The following IL16 variants were observed in gnomAD, a reference collection of about 807,000 sequenced individuals.
IL16 encodes interleukin 16.
In IL16, 67 loss-of-function variants were observed where a neutral mutation model predicts 110.1. The ratio of observed to expected loss-of-function variants is 0.61; its 90% CI spans 0.50 to 0.75. The LOEUF is 0.75. Among genes scored for constraint, IL16 ranks in the 30% least tolerant of loss-of-function variants. The pLI is 0.00. For synonymous variants in IL16, 689 were observed against 662.9 expected, an observed-to-expected ratio of 1.04 and a Z score of -0.61; for missense variants, 1,545 against 1,655.0, an observed-to-expected ratio of 0.93 and a Z score of 1.15.
Position 81,297,007 on chromosome 15 carries a change from C to G in IL16, c.1982C>G (p.Pro661Arg). 2 of 1,613,924 alleles carry G rather than the reference C, an allele frequency of 1.2e-6. No individual in the cohort carries two copies. The highest frequency in any genetic ancestry group is 8.5e-7 in the Non-Finnish European group (1 of 1,179,960). ...AGCCCTAGTGCCTCTGCCGGCTGCCCAGGACCTGGTATCGGCCCACAGACC... is the reference window on the plus strand; with the variant it reads ...AGCCCTAGTGCCTCTGCCGGCTGCCGAGGACCTGGTATCGGCCCACAGACC... ...GRSPSASAGC[P>R]GPGIGPQTKS... The change falls in exon 13 of 19, where the codon CCA becomes CGA. Residue 661 changes from proline (P) to arginine (R), a missense_variant. Coordinates refer to ENST00000683961, the MANE Select transcript of IL16 (RefSeq NM_172217.5).
chr15:81,205,620 A>G (rs1390350214), intron 1 of IL16, among the ~76,000 whole-genome samples: 1 of 152,136 alleles, frequency 6.6e-6, no homozygotes, highest in East Asian at 1.9e-4. Flanking sequence ...GAAAAACAAA[A>G]CATGTGAGAA....
rs1303699582 is a variant in IL16 at position 81,290,547 on chromosome 15, C to A, written c.1420+7C>A. 1.9e-6 allele frequency: 3 copies of A among 1,584,160 alleles called. No individual in the cohort carries two copies. Among genetic ancestry groups the A allele is most frequent in the Non-Finnish European group, 2.6e-6 (3 of 1,154,764 alleles). On this transcript the variant is annotated splice_region_variant and intron_variant, in intron 11 of 18. Coordinates refer to ENST00000683961, the MANE Select transcript of IL16 (RefSeq NM_172217.5). ...CATCAGTGGAGTCTGGAAGGTAAGACAAATGGTGAACTTTGATGTAAAATA... is the reference window on the plus strand; with the variant it reads ...CATCAGTGGAGTCTGGAAGGTAAGAAAAATGGTGAACTTTGATGTAAAATA...
chr15:81,292,454 C>A, intron 11 of IL16, 102 bp from the exon 12 acceptor site: 1 of 1,530,034 alleles, frequency 6.5e-7, no homozygotes, highest in Non-Finnish European at 9.0e-7. Flanking sequence ...AAGCAGATGG[C>A]CGATGTGCAG....
intron 2 of IL16, among the ~76,000 whole-genome samples, chr15:81,255,315 C>T (rs1303365599): frequency 6.6e-6 from 1 of 152,212 alleles, no homozygotes; most frequent in Admixed American, 6.5e-5. Context: ...ATCTAATGAG[C>T]CACTTCACAC....
At chr15:81,289,178 ACT>A (rs1378710448) in intron 10 of IL16, among the ~76,000 whole-genome samples, 4 of 151,868 alleles carry the variant, frequency 2.6e-5, no homozygotes, top group Non-Finnish European at 4.4e-5. Context: ...ACTGAGTCTC[ACT>A]CTGTCACCCA....
At chr15:81,282,256 C>T (rs1019479978) in intron 8 of IL16, among the ~76,000 whole-genome samples, 2 of 152,206 alleles carry the variant, frequency 1.3e-5, no homozygotes, top group African/African-American at 4.8e-5. Flanking sequence ...TAACTCTTGT[C>T]ACTTGTATTT....
chr15:81,242,963 A>G (rs960561037), intron 2 of IL16, among the ~76,000 whole-genome samples: 3 of 151,152 alleles, frequency 2.0e-5, no homozygotes, highest in African/African-American at 7.3e-5. Flanking sequence ...GCATTCATTG[A>G]TATGATCATG....
chr15:81,232,042 G>GTTTTTTTTTTTTT, intron 2 of IL16, among the ~76,000 whole-genome samples: 998 of 57,340 alleles, frequency 0.017, 82 homozygotes, highest in African/African-American at 0.021. Context: ...ATTTGTTCTT[G>GTTTTTTTTTTTTT]TTTTTTTTTT....
At chr15:81,245,419 T>A (rs905938430) in intron 2 of IL16, among the ~76,000 whole-genome samples, 1 of 152,208 alleles carries the variant, frequency 6.6e-6, no homozygotes, top group Non-Finnish European at 1.5e-5. Context: ...TAATGTTGTA[T>A]AGAGATGTGA....
At position 81,313,127 on chromosome 15, in the gene IL16, TGC is replaced by T. The variant is rs1900950804; in HGVS notation, c.*4332_*4333del. 1 of 1,142,358 alleles carries T rather than the reference TGC, an allele frequency of 8.8e-7. No homozygotes were observed. Among genetic ancestry groups the T allele is most frequent in the African/African-American group, 1.6e-5 (1 of 61,694 alleles). The allele number at this position is 1,142,358 out of a possible 1,614,324, so 70.8% of individuals were successfully genotyped here. On this transcript the variant is annotated 3_prime_UTR_variant, in exon 19 of 19. Transcript: ENST00000683961. ...CGCCTCTGGTTGGCATTCTCAGAGA[TGC>T]GCAGTCCATCAGCTTGTTCCAAAGA...
At position 81,313,372 on chromosome 15, in the gene IL16, A is replaced by G. The variant is rs1034525007; in HGVS notation, c.*4574A>G. 6.3e-7 allele frequency: 1 copy of G among 1,576,056 alleles called. No individual in the cohort carries two copies. Among genetic ancestry groups the G allele is most frequent in the African/African-American group, 1.4e-5 (1 of 73,462 alleles). On this transcript the variant is annotated 3_prime_UTR_variant, in exon 19 of 19. Coordinates refer to ENST00000683961, the MANE Select transcript of IL16 (RefSeq NM_172217.5). Reference sequence around the variant, plus strand: ...AGGTAACCGCTGAGGTCGGTATGGAAGAATGTGACCAGGTTGGTCTTGGTG... The same window carrying G: ...AGGTAACCGCTGAGGTCGGTATGGAGGAATGTGACCAGGTTGGTCTTGGTG...
intron 16 of IL16, chr15:81,305,633 TC>T (rs1900511298): frequency 7.3e-6 from 3 of 412,222 alleles, no homozygotes; most frequent in African/African-American, 6.0e-5. Flanking sequence ...TTATATGGAA[TC>T]CCAACTAGAA....
intron 1 of IL16, among the ~76,000 whole-genome samples, chr15:81,224,037 A>T (rs1200864665): frequency 1.3e-5 from 2 of 152,258 alleles, no homozygotes; most frequent in Non-Finnish European, 2.9e-5. Context: ...CTTTCAATCA[A>T]TCATTAATTC....
intron 2 of IL16, among the ~76,000 whole-genome samples, chr15:81,243,159 A>AT (rs1260955323): frequency 1.8e-4 from 6 of 33,014 alleles, no homozygotes; most frequent in East Asian, 9.1e-4. Context: ...ATATATATAT[A>AT]TATATTTTTT....
chr15:81,206,487 A>G (rs1215622761), intron 1 of IL16, among the ~76,000 whole-genome samples: 1 of 152,238 alleles, frequency 6.6e-6, no homozygotes, highest in Admixed American at 6.5e-5. Flanking sequence ...ATATATACAT[A>G]TTTGAAACCC....
rs569227953 is a variant in IL16 at position 81,313,060 on chromosome 15, C to T, written c.*4262C>T. ...TGGAACACATGAATGGCTCATCACA[C>T]GCCAACCCTGAGTGGGGCAGGAGGC... is the stretch of plus-strand genomic sequence containing the variant. On this transcript the variant is annotated 3_prime_UTR_variant, in exon 19 of 19. Coordinates refer to ENST00000683961, the MANE Select transcript of IL16 (RefSeq NM_172217.5). 9.8e-5 allele frequency: 51 copies of T among 519,194 alleles called. No homozygotes were observed. The highest frequency in any genetic ancestry group is 7.2e-4 in the African/African-American group (36 of 50,146). The allele number at this position is 519,194 out of a possible 1,614,324, so 32.2% of individuals were successfully genotyped here. A position where few individuals can be genotyped will look rare whatever the true frequency, so the allele number is the denominator to read the frequency against.
intron 2 of IL16, among the ~76,000 whole-genome samples, chr15:81,245,766 AT>A (rs954404174): frequency 2.4e-4 from 31 of 129,574 alleles, no homozygotes; most frequent in Non-Finnish European, 3.6e-4. Flanking sequence ...CCTACTGGCA[AT>A]TCCAGATTGC....
chr15:81,301,280 A>G, intron 14 of IL16, 64 bp from the exon 15 acceptor site: 6 of 1,440,548 alleles, frequency 4.2e-6, no homozygotes, highest in Non-Finnish European at 5.7e-6. Flanking sequence ...TAGTAATTAT[A>G]CAATCACTGT....
At position 81,300,351 on chromosome 15, in the gene IL16, A is replaced by G. The variant is rs770981737; in HGVS notation, c.3025A>G (p.Ile1009Val). The change falls in exon 14 of 19, where the codon ATC (isoleucine) becomes GTC (valine). Residue 1009 changes from isoleucine (I) to valine (V), a missense_variant. Around this residue, in one of 3 missense-constraint regions of IL16, gnomAD observed 356 missense variants for 399.3 expected, o/e 0.89. Coordinates refer to ENST00000683961, the MANE Select transcript of IL16 (RefSeq NM_172217.5). ...MKSLLCLPSS[I>V]SCAQTPCIPK... ...ATCCTTGCTGTGCCTTCCATCTTCT[A>G]TCTCCTGTGCCCAGACTCCCTGCAT... The G allele has an allele frequency of 8.1e-6, 13 of 1,614,158 alleles. No homozygotes were observed. The East Asian group carries it at 2.5e-4, about 30-fold the overall frequency.
Sources: gnomAD v4.1 joint callset for allele counts (sites outside exome capture counted in the v4.1 genomes callset) on GRCh38, gnomAD v4.1.1 for gene constraint, gnomAD v4.1.1 regional missense constraint, MANE v1.5 for transcripts, NCBI Gene and HGNC (gene_info 2026-07-23, HGNC 2026-07-21) for gene names.